TBX10: variants seen among roughly 807,000 people sequenced by gnomAD.
TBX10 encodes T-box transcription factor 10.
In TBX10, 26 loss-of-function variants were observed where a neutral mutation model predicts 32.4. The ratio of observed to expected loss-of-function variants is 0.80; its 90% CI spans 0.59 to 1.11. TBX10 has a LOEUF of 1.11. Among genes scored for constraint, TBX10 ranks in the 50% most tolerant of loss-of-function variants. TBX10 has a pLI of 0.00. For missense variants in TBX10, 490 were observed against 494.5 expected (o/e 0.99, Z 0.09); for synonymous variants, 195 against 203.1 (o/e 0.96, Z 0.34).
intron 4 of TBX10, among the ~76,000 whole-genome samples, chr11:67,633,457 CAT>C (rs1855272187): frequency 6.6e-6 from 1 of 152,154 alleles, no homozygotes; most frequent in Admixed American, 6.5e-5. Flanking sequence ...GAAGCCACAT[CAT>C]ATGCCCCCTG....
At position 67,631,860 on chromosome 11, in the gene TBX10, G is replaced by A. The variant is rs747335405; in HGVS notation, c.903C>T (p.Thr301=). 4 of 1,577,384 alleles carry A rather than the reference G, an allele frequency of 2.5e-6. No homozygotes were observed. In the South Asian group the frequency reaches 4.6e-5, roughly 18 times the overall value. Residue 301 remains threonine (T), a synonymous_variant, in exon 8 of 8, where the codon ACC becomes ACT. Transcript: ENST00000335385. ...GCAGCTGATGATGGAGCCAAGCAGG[G>A]GTCTTGGAGGTGGAAGCTGAAGCTT... ...PNKASASTSK[T]PAWLHHQLLP... is the part of the protein sequence containing the mutation.
In TBX10 at chr11:67,632,254, C is replaced by G. The variant is rs1197956082; in HGVS notation, c.868+64G>C. ...TGAAGCCCCTTCCTGGAGGTCCTGT[C>G]CCTTTGCCTTCCGCCCACTGTGTAC... On this transcript the variant is annotated intron_variant, in intron 7 of 7. Transcript: ENST00000335385. 6.9e-6 allele frequency: 11 copies of G among 1,583,184 alleles called. No individual in the cohort carries two copies. In the East Asian group the frequency reaches 2.5e-4, roughly 35 times the overall value.
At chr11:67,634,669 T>C (rs1855296007) in intron 3 of TBX10, 147 bp downstream of exon 3, 7 of 912,872 alleles carry the variant, frequency 7.7e-6, no homozygotes, top group Non-Finnish European at 1.2e-5. Flanking sequence ...CTCAGGCTGT[T>C]GTTGCGTGTC....
intron 7 of TBX10, 147 bp from the exon 8 acceptor site, chr11:67,632,041 T>G (rs1390639687): frequency 1.2e-5 from 15 of 1,237,032 alleles, no homozygotes; most frequent in Non-Finnish European, 1.7e-5. Context: ...TGGAATTTCT[T>G]CTTCACCTTC....
chr11:67,632,544 G>A, intron 6 of TBX10, 59 bp downstream of exon 6: 4 of 1,599,946 alleles, frequency 2.5e-6, no homozygotes, highest in Non-Finnish European at 3.4e-6. Context: ...GTCAGGAACT[G>A]AGGCCTTAGG....
At position 67,639,640 on chromosome 11, in the gene TBX10, C is replaced by T. The variant is rs999795446; in HGVS notation, c.-168G>A. 1.0e-5 allele frequency: 9 copies of T among 868,040 alleles called. No individual in the cohort carries two copies. The highest frequency in any genetic ancestry group is 2.9e-5 in the South Asian group (2 of 68,130). 53.8% of individuals were successfully genotyped at this position (868,040 alleles called of 1,614,324 possible). ...GCAGGACGGTCCTTGCCTCCTCGATCGCCCTTCGTCCACGTCCTGAGGTCG... is the reference window on the plus strand; with the variant it reads ...GCAGGACGGTCCTTGCCTCCTCGATTGCCCTTCGTCCACGTCCTGAGGTCG... On this transcript the variant is annotated 5_prime_UTR_variant, in exon 1 of 8. Coordinates refer to ENST00000335385, the MANE Select transcript of TBX10 (RefSeq NM_005995.5).
intron 4 of TBX10, 33 bp downstream of exon 4, chr11:67,634,156 G>C (rs777707408): frequency 2.5e-6 from 4 of 1,609,280 alleles, no homozygotes; most frequent in South Asian, 1.1e-5. Context: ...CTGACCCCAG[G>C]CCCTTCCGTC....
chr11:67,633,712 G>A (rs908480857), intron 4 of TBX10, among the ~76,000 whole-genome samples: 2 of 152,126 alleles, frequency 1.3e-5, no homozygotes, highest in African/African-American at 2.4e-5. Flanking sequence ...AGCTCCCTGC[G>A]CCCCCTGAGA....
rs1296177982 is a variant in TBX10 at position 67,633,038 on chromosome 11, C to T, written c.615G>A (p.Lys205=). 6.8e-6 allele frequency: 11 copies of T among 1,614,054 alleles called. No homozygotes were observed. Among genetic ancestry groups the T allele is most frequent in the African/African-American group, 1.3e-5 (1 of 74,942 alleles). The part of the protein sequence containing the change: ...RFHVVFVDPR[K]DSERYAQENF... ...TCTCCTGGGCATAGCGCTCACTGTC[C>T]TTGCGTGGGTCCACGAAGACCACGT... The change falls in exon 5 of 8, where the codon AAG becomes AAA. Residue 205 remains lysine, a synonymous_variant. Transcript: ENST00000335385.
At chr11:67,637,543 T>G (rs995412627) in intron 1 of TBX10, among the ~76,000 whole-genome samples, 1 of 152,158 alleles carries the variant, frequency 6.6e-6, no homozygotes, top group African/African-American at 2.4e-5. Context: ...TTAGAACTTT[T>G]AAAACTGGCA....
chr11:67,636,431 C>A (rs1855329590), intron 1 of TBX10, among the ~76,000 whole-genome samples: 1 of 151,706 alleles, frequency 6.6e-6, no homozygotes, highest in Non-Finnish European at 1.5e-5. Context: ...GTAAAAGGTG[C>A]AGCTGCTGGG....
In TBX10 at chr11:67,631,496, C is replaced by G; in HGVS notation, c.*109G>C. 3.5e-6 allele frequency: 5 copies of G among 1,411,256 alleles called. No individual in the cohort carries two copies. The highest frequency in any genetic ancestry group is 4.8e-6 in the Non-Finnish European group (5 of 1,036,986). The allele number at this position is 1,411,256 out of a possible 1,614,324, so 87.4% of individuals were successfully genotyped here. A position where few individuals can be genotyped will look rare whatever the true frequency, so the allele number is the denominator to read the frequency against. ...CCTCTTTCTCTAGACTTTCACCTAC[C>G]CTGCTCTCCTTGAGACAGAGATGGG... On this transcript the variant is annotated 3_prime_UTR_variant, in exon 8 of 8. Transcript: ENST00000335385.
chr11:67,631,579 A>G lies in TBX10; in HGVS notation c.*26T>C, dbSNP rs1855231894. ...CACCCGGTGTAAGGTCCAGGGTAGC[A>G]GGGCTTCCCCCCAGGGCTTCTGGCA... On this transcript the variant is annotated 3_prime_UTR_variant, in exon 8 of 8. Transcript: ENST00000335385. 1 of 1,579,104 alleles carries G rather than the reference A, an allele frequency of 6.3e-7. No homozygotes were observed. The highest frequency in any genetic ancestry group is 1.1e-5 in the South Asian group (1 of 87,232).
chr11:67,636,777 C>T (rs189560438), intron 1 of TBX10, among the ~76,000 whole-genome samples: 85 of 152,284 alleles, frequency 5.6e-4, no homozygotes, highest in African/African-American at 2.0e-3. Context: ...GGGTTACAGG[C>T]GTGAGCCATC....
chr11:67,640,690 T>C (rs1230954343), upstream of TBX10, among the ~76,000 whole-genome samples: 1 of 152,124 alleles, frequency 6.6e-6, no homozygotes, highest in African/African-American at 2.4e-5. Context: ...GAGTGGGTCG[T>C]CTGGCTGGAG....
intron 1 of TBX10, among the ~76,000 whole-genome samples, chr11:67,638,238 TATAA>T (rs1591126192): frequency 6.8e-6 from 1 of 146,256 alleles, no homozygotes; most frequent in East Asian, 1.9e-4. Context: ...AATAAATAAA[TATAA>T]ATAAATAAAA....
At chr11:67,634,756 G>A in intron 3 of TBX10, 60 bp downstream of exon 3, 1 of 1,543,818 alleles carries the variant, frequency 6.5e-7, no homozygotes, top group South Asian at 1.1e-5. Context: ...TGCAGGAAGG[G>A]TCTAATTCCT....
chr11:67,634,690 C>T (rs1855296312), intron 3 of TBX10, 126 bp downstream of exon 3: 1 of 1,085,222 alleles, frequency 9.2e-7, no homozygotes, highest in East Asian at 2.5e-5. Context: ...TGTCGTCCTG[C>T]CCTTAGGCTG....
At position 67,631,636 on chromosome 11, in the gene TBX10, A is replaced by G. The variant is rs777696017; in HGVS notation, c.1127T>C (p.Val376Ala). The G allele has an allele frequency of 6.2e-7, 1 of 1,603,696 alleles. No homozygotes were observed. The highest frequency in any genetic ancestry group is 8.5e-7 in the Non-Finnish European group (1 of 1,177,780). The change falls in exon 8 of 8, where the codon GTG (valine) becomes GCG (alanine). Residue 376 changes from valine (V) to alanine (A), a missense_variant. Val to Ala is a moderately conservative substitution (Grantham distance 64, BLOSUM62 0). Coordinates refer to ENST00000335385, the MANE Select transcript of TBX10 (RefSeq NM_005995.5). ...AGLGLLSPTV[V>A]CLGPGQDSQ ...GGAGTCCTGGCCAGGCCCCAGGCACACCACAGTGGGGGACAGGAGCCCCAG... is the reference window on the plus strand; with the variant it reads ...GGAGTCCTGGCCAGGCCCCAGGCACGCCACAGTGGGGGACAGGAGCCCCAG...
Sources: gnomAD v4.1 joint callset for allele counts (sites outside exome capture counted in the v4.1 genomes callset) on GRCh38, gnomAD v4.1.1 for gene constraint, MANE v1.5 for transcripts, NCBI Gene and HGNC (gene_info 2026-07-23, HGNC 2026-07-21) for gene names.